Variants in STX18 observed in about 807,000 individuals in gnomAD.
STX18 encodes syntaxin 18.
In STX18, 40 loss-of-function variants were observed where a neutral mutation model predicts 50.1. The ratio of observed to expected loss-of-function variants is 0.80; its 90% CI spans 0.62 to 1.04. The LOEUF (loss-of-function observed/expected upper bound fraction) is 1.04. Among genes scored for constraint, STX18 ranks in the 50% least tolerant of loss-of-function variants. The pLI, the probability that STX18 is intolerant of heterozygous loss-of-function variation, is 0.00. For synonymous variants in STX18, 158 were observed against 151.8 expected (o/e 1.04, Z -0.30); for missense variants, 410 against 415.8 (o/e 0.99, Z 0.12).
intron 7 of STX18, among the ~76,000 whole-genome samples, chr4:4,433,563 A>C (rs1431210538): frequency 1.3e-5 from 2 of 149,654 alleles, no homozygotes; most frequent in Non-Finnish European, 3.0e-5. Context: ...AGAATTCCCA[A>C]ACACTGTTCT....
rs561398707 is a variant in STX18, at chr4:4,472,136, G to A, written c.169-430C>T. 2.6e-5 allele frequency among the ~76,000 whole-genome samples: 4 copies of A among 152,322 alleles called. No homozygotes were observed. In the South Asian group the frequency reaches 8.3e-4, roughly 32 times the overall value. ...TTGTAAATAGGGCCCATGCAGAGCAGCAGAGTTAAAGCAAAGATTCAGGGG... is the reference window on the plus strand; with the variant it reads ...TTGTAAATAGGGCCCATGCAGAGCAACAGAGTTAAAGCAAAGATTCAGGGG... On this transcript the variant is annotated intron_variant, in intron 1 of 10. Transcript: ENST00000306200.
chr4:4,445,283 G>A (rs1303858464), intron 5 of STX18, among the ~76,000 whole-genome samples: 1 of 151,958 alleles, frequency 6.6e-6, no homozygotes, highest in Non-Finnish European at 1.5e-5. Flanking sequence ...GTGGGCGCCT[G>A]TAATCCCAGC....
intron 1 of STX18, among the ~76,000 whole-genome samples, chr4:4,533,992 C>G (rs1368000240): frequency 1.3e-5 from 2 of 152,202 alleles, no homozygotes; most frequent in Non-Finnish European, 2.9e-5. Context: ...AACCTGGCAT[C>G]CACACGGGCC....
At chr4:4,520,061 C>T (rs1224870736) in intron 1 of STX18, among the ~76,000 whole-genome samples, 2 of 152,174 alleles carry the variant, frequency 1.3e-5, no homozygotes, top group Non-Finnish European at 2.9e-5. Flanking sequence ...ATATTTGCAA[C>T]ATTCCTTCAC....
intron 1 of STX18, among the ~76,000 whole-genome samples, chr4:4,499,071 A>G (rs1011960826): frequency 1.3e-5 from 2 of 152,250 alleles, no homozygotes; most frequent in African/African-American, 4.8e-5. Context: ...ATTTGAGGCT[A>G]TCATGAATTT....
chr4:4,512,944 T>C (rs1376932793), intron 1 of STX18, among the ~76,000 whole-genome samples: 1 of 152,162 alleles, frequency 6.6e-6, no homozygotes, highest in African/African-American at 2.4e-5. Flanking sequence ...GACCAACCAT[T>C]GCTCAGTTTG....
At chr4:4,436,228 C>A (rs1177983539) in intron 6 of STX18, among the ~76,000 whole-genome samples, 2 of 152,224 alleles carry the variant, frequency 1.3e-5, no homozygotes, top group Non-Finnish European at 2.9e-5. Flanking sequence ...AAAAAAACTG[C>A]ATGTCATCCA....
intron 1 of STX18, among the ~76,000 whole-genome samples, chr4:4,505,784 AAAAAAC>A (rs1266513384): frequency 2.0e-5 from 3 of 152,148 alleles, no homozygotes; most frequent in Admixed American, 6.5e-5. Flanking sequence ...ACTCTGTCTC[AAAAAAC>A]AAAAACAAAA....
At chr4:4,436,872 C>G (rs1259906482) in intron 6 of STX18, among the ~76,000 whole-genome samples, 1 of 151,852 alleles carries the variant, frequency 6.6e-6, no homozygotes, top group Admixed American at 6.6e-5. Context: ...TTTCTGGCCT[C>G]TGAGCATTTG....
intron 2 of STX18, among the ~76,000 whole-genome samples, chr4:4,467,321 C>T (rs1727663918): frequency 6.6e-6 from 1 of 152,168 alleles, no homozygotes; most frequent in Non-Finnish European, 1.5e-5. Flanking sequence ...AATTAACTTC[C>T]TCCCAAAGTT....
intron 5 of STX18, among the ~76,000 whole-genome samples, chr4:4,454,466 T>G (rs972660892): frequency 6.6e-6 from 1 of 152,190 alleles, no homozygotes; most frequent in African/African-American, 2.4e-5. Flanking sequence ...GAAGTCCACT[T>G]GGGATAGTGA....
intron 5 of STX18, among the ~76,000 whole-genome samples, chr4:4,443,113 T>C (rs920926529): frequency 2.0e-5 from 3 of 152,230 alleles, no homozygotes; most frequent in Non-Finnish European, 2.9e-5. Context: ...GAGGGGACCT[T>C]GGTAATATCC....
At chr4:4,457,068 A>G (rs2108815362) in intron 5 of STX18, 123 bp downstream of exon 5, 1 of 880,960 alleles carries the variant, frequency 1.1e-6, no homozygotes, top group South Asian at 1.6e-5. Context: ...AGCGCCAGCT[A>G]TGGCATTTTG....
At position 4,420,968 on chromosome 4, in the gene STX18, A is replaced by C. The variant is rs778977349; in HGVS notation, c.832-24T>G. 1 of 1,610,836 alleles carries C rather than the reference A, an allele frequency of 6.2e-7. No homozygotes were observed. The highest frequency in any genetic ancestry group is 8.5e-7 in the Non-Finnish European group (1 of 1,177,312). On this transcript the variant is annotated intron_variant, in intron 9 of 10. Transcript: ENST00000306200. This position sits in a 1 kb window ranked among gnomAD's most constrained non-coding sequence, Gnocchi z 4.3. ...TCCTGTGGAAGAAAAGATAAATACA[A>C]GTTGAGTATCCTTTATCCAAAAACC... is the stretch of plus-strand genomic sequence containing the variant.
At chr4:4,542,306 T>C (rs1731656331), upstream of STX18, 1 of 217,586 alleles carries the variant, frequency 4.6e-6, no homozygotes, top group Non-Finnish European at 9.0e-6. Flanking sequence ...ACCGGGAAGC[T>C]AGGAGGCTCC....
chr4:4,481,650 C>T (rs774429561), intron 1 of STX18: 4 of 152,150 alleles, frequency 2.6e-5, no homozygotes, highest in Non-Finnish European at 5.9e-5. Context: ...AGTCTAACTC[C>T]TTTCACTCTT....
chr4:4,425,187 C>T lies in STX18; in HGVS notation c.738G>A (p.Met246Ile), dbSNP rs2108772522. The change falls in exon 8 of 11, where the codon ATG (methionine) becomes ATA (isoleucine). Residue 246 changes from methionine to isoleucine, a missense_variant. Coordinates refer to ENST00000306200, the MANE Select transcript of STX18 (RefSeq NM_016930.4). Reference protein sequence around the residue: ...EQENQRLIGEMNSLFDEVRQI... With the variant: ...EQENQRLIGEINSLFDEVRQI... ...ACCTCACTTCATCAAACAAGCTGTT[C>T]ATTTCACCAATTAGTCGCTGATTTT... The T allele has an allele frequency of 1.9e-6, 3 of 1,614,182 alleles. No homozygotes were observed. Among genetic ancestry groups the T allele is most frequent in the African/African-American group, 1.3e-5 (1 of 75,070 alleles).
At chr4:4,481,785 A>G (rs1728476610) in intron 1 of STX18, 1 of 152,230 alleles carries the variant, frequency 6.6e-6, no homozygotes. Context: ...CCCTGTGCAA[A>G]AGAAGCTCCC....
chr4:4,480,219 T>G (rs1320987112), intron 1 of STX18, among the ~76,000 whole-genome samples: 1 of 152,244 alleles, frequency 6.6e-6, no homozygotes, highest in African/African-American at 2.4e-5. Flanking sequence ...CGTAAAATCC[T>G]TATAATCAGA....
Sources: allele counts gnomAD v4.1 joint callset (sites outside exome capture counted in the v4.1 genomes callset), GRCh38; gene constraint gnomAD v4.1.1; non-coding constraint Gnocchi (gnomAD v3.1); transcripts MANE v1.5; gene names NCBI Gene and HGNC (gene_info 2026-07-23, HGNC 2026-07-21).